The following SLIT1 variants were observed in gnomAD, a reference collection of about 807,000 sequenced individuals.
SLIT1 encodes the protein slit guidance ligand 1.
SLIT1 carries 66 observed loss-of-function variants against 186.1 expected under a neutral mutation model. The ratio of observed to expected loss-of-function variants is 0.35; its 90% CI spans 0.29 to 0.44. The LOEUF (loss-of-function observed/expected upper bound fraction) is 0.44, where lower values mean the gene tolerates loss of function less well. Ranked by LOEUF, SLIT1 falls within the 20% of genes least tolerant of loss-of-function variation. The probability of loss-of-function intolerance (pLI) is 1.00; values close to 1 mark genes in which losing one functional copy is unlikely to be tolerated. For missense variants in SLIT1, 1,638 were observed against 2,037.4 expected (o/e 0.80, Z 3.77); for synonymous variants, 761 against 833.8 (o/e 0.91, Z 1.50).
intron 4 of SLIT1, among the ~76,000 whole-genome samples, chr10:97,128,769 T>G (rs976524496): frequency 6.6e-6 from 1 of 152,150 alleles, no homozygotes; most frequent in South Asian, 2.1e-4. Flanking sequence ...TTTGCTGTGA[T>G]GAATTCCGGC....
chr10:97,004,260 C>A lies in SLIT1; in HGVS notation c.3711-38G>T. 1 of 1,585,370 alleles carries A rather than the reference C, an allele frequency of 6.3e-7. No individual in the cohort carries two copies. Among genetic ancestry groups the A allele is most frequent in the Non-Finnish European group, 8.6e-7 (1 of 1,158,416 alleles). ...GGGGTTCCCCGTTCCAGGGAGTGGG[C>A]ATCAGTCTGGACCATCCCTGCCTGG... On this transcript the variant is annotated intron_variant, in intron 33 of 36. Coordinates refer to ENST00000266058, the MANE Select transcript of SLIT1 (RefSeq NM_003061.3). This position sits in a 1 kb window ranked among gnomAD's most constrained non-coding sequence, Gnocchi z 5.1.
At chr10:97,133,960 T>C (rs775286881) in intron 4 of SLIT1, among the ~76,000 whole-genome samples, 1 of 152,182 alleles carries the variant, frequency 6.6e-6, no homozygotes, top group Non-Finnish European at 1.5e-5. Flanking sequence ...GGATTTGGAT[T>C]GTTTCTTTGC....
At chr10:97,053,707 G>A (rs937237960) in intron 13 of SLIT1, among the ~76,000 whole-genome samples, 1 of 152,224 alleles carries the variant, frequency 6.6e-6, no homozygotes, top group Non-Finnish European at 1.5e-5. Flanking sequence ...AATTAAAGAT[G>A]TAGATGAAGG....
At chr10:97,091,669 G>T (rs12241778) in intron 4 of SLIT1, among the ~76,000 whole-genome samples, 18,260 of 152,180 alleles carry the variant, frequency 0.12, 1,181 homozygotes, top group Non-Finnish European at 0.14. Flanking sequence ...CTTCTAGCTC[G>T]TTTACAGTCA....
In SLIT1 at chr10:97,002,277, C is replaced by G; in HGVS notation, c.4247G>C (p.Gly1416Ala). The change falls in exon 36 of 37, where the codon GGG becomes GCG. Residue 1416 changes from glycine to alanine, a missense_variant. Transcript: ENST00000266058. ...GYSGALCNQA[G>A]ALAEPCRGLQ... ...GCCTCTGCAGGGCTCTGCCAGGGCC[C>G]CGGCCTGGTTGCACAGTGCCCCCGA... 1 of 1,609,106 alleles carries G rather than the reference C, an allele frequency of 6.2e-7. No homozygotes were observed. Among genetic ancestry groups the G allele is most frequent in the Non-Finnish European group, 8.5e-7 (1 of 1,178,502 alleles).
intron 4 of SLIT1, among the ~76,000 whole-genome samples, chr10:97,109,451 G>GGGAGGA (rs1488699748): frequency 6.6e-6 from 1 of 152,152 alleles, no homozygotes; most frequent in African/African-American, 2.4e-5. Context: ...AAGATGCTCA[G>GGGAGGA]GGAGGAGAGG....
At chr10:97,084,488 C>A (rs982904848) in intron 4 of SLIT1, among the ~76,000 whole-genome samples, 2 of 152,250 alleles carry the variant, frequency 1.3e-5, no homozygotes, top group Non-Finnish European at 2.9e-5. Flanking sequence ...TTTTCCATAT[C>A]TGTAAAATGG....
intron 3 of SLIT1, among the ~76,000 whole-genome samples, chr10:97,162,537 C>T (rs879685371): frequency 6.6e-6 from 1 of 152,228 alleles, no homozygotes; most frequent in Admixed American, 6.5e-5. Flanking sequence ...CGCTTGAACC[C>T]GGGAGGTGGA....
chr10:97,134,376 G>T (rs541842749), intron 4 of SLIT1, among the ~76,000 whole-genome samples: 5 of 152,156 alleles, frequency 3.3e-5, no homozygotes, highest in Admixed American at 6.5e-5. Flanking sequence ...ACACCTGAAG[G>T]CCGCGGTTTC....
intron 4 of SLIT1, among the ~76,000 whole-genome samples, chr10:97,108,271 G>A (rs1234847116): frequency 6.6e-6 from 1 of 152,190 alleles, no homozygotes; most frequent in East Asian, 1.9e-4. Flanking sequence ...TTACATGCCA[G>A]CTTTGCCACT....
intron 24 of SLIT1, 68 bp from the exon 25 acceptor site, chr10:97,030,896 G>T: frequency 7.3e-7 from 1 of 1,367,742 alleles, no homozygotes; most frequent in Non-Finnish European, 1.0e-6. Context: ...GGAGGGAGAG[G>T]CCCAGCCCTC....
chr10:97,175,491 A>G (rs1240689416), intron 1 of SLIT1, among the ~76,000 whole-genome samples: 3 of 152,106 alleles, frequency 2.0e-5, no homozygotes, highest in Admixed American at 6.5e-5. Context: ...TAGTAGCTGC[A>G]CCGTTTCACA....
At chr10:97,032,852 A>G (rs1848604297) in intron 23 of SLIT1, among the ~76,000 whole-genome samples, 1 of 152,158 alleles carries the variant, frequency 6.6e-6, no homozygotes, top group South Asian at 2.1e-4. Flanking sequence ...ATGCAACACC[A>G]CACCATGGGT....
At chr10:97,138,802 C>T (rs1484809476) in intron 4 of SLIT1, among the ~76,000 whole-genome samples, 1 of 152,214 alleles carries the variant, frequency 6.6e-6, no homozygotes, top group Non-Finnish European at 1.5e-5. Context: ...TGCATCTGTG[C>T]CTGTGAAATA....
In SLIT1 at chr10:97,060,775, G is replaced by C. The variant is rs374041679; in HGVS notation, c.806C>G (p.Ala269Gly). Residue 269 changes from alanine (A) to glycine (G), a missense_variant, in exon 9 of 37, where the codon GCG becomes GGG. Transcript: ENST00000266058. Reference protein sequence around the residue: ...SEFSCSGQGEAGRVPTCTLSS... With the variant: ...SEFSCSGQGEGGRVPTCTLSS... Reference sequence around the variant, plus strand: ...CAGGGTGCAGGTGGGCACGCGCCCCGCTTCTCCCTGGCCTGCAGAAACAGG... The same window carrying C: ...CAGGGTGCAGGTGGGCACGCGCCCCCCTTCTCCCTGGCCTGCAGAAACAGG... 1 of 1,602,234 alleles carries C rather than the reference G, an allele frequency of 6.2e-7. No homozygotes were observed. The highest frequency in any genetic ancestry group is 1.3e-5 in the African/African-American group (1 of 74,856).
At position 97,000,919 on chromosome 10, in the gene SLIT1, C is replaced by T. The variant is rs1392129389; in HGVS notation, c.*193G>A. On this transcript the variant is annotated 3_prime_UTR_variant, in exon 37 of 37. Transcript: ENST00000266058. ...CAGCCCGCAGCTCAGGCCTCGCCCA[C>T]CCCCGCTGCCCCCAGCTATGGCGCA... 2 of 594,370 alleles carry T rather than the reference C, an allele frequency of 3.4e-6. No individual in the cohort carries two copies. The highest frequency in any genetic ancestry group is 3.0e-6 in the Non-Finnish European group (1 of 334,132). 36.8% of individuals were successfully genotyped at this position (594,370 alleles called of 1,614,324 possible).
intron 4 of SLIT1, among the ~76,000 whole-genome samples, chr10:97,117,911 C>T (rs931209052): frequency 1.3e-5 from 2 of 152,080 alleles, no homozygotes; most frequent in African/African-American, 4.8e-5. Flanking sequence ...TTCAGAAACC[C>T]CAGGGGGATC....
chr10:97,143,487 G>A (rs1849785970), intron 4 of SLIT1, among the ~76,000 whole-genome samples: 1 of 152,194 alleles, frequency 6.6e-6, no homozygotes, highest in African/African-American at 2.4e-5. Context: ...GGGGAGAAGG[G>A]AATAGACTTT....
chr10:97,028,865 T>A lies in SLIT1; in HGVS notation c.2582+1892A>T, dbSNP rs541439220. Among the ~76,000 whole-genome samples the A allele has an allele frequency of 2.0e-5, 3 of 152,298 alleles. No homozygotes were observed. In the South Asian group the frequency reaches 6.2e-4, roughly 32 times the overall value. The stretch of plus-strand genomic sequence containing the variant: ...CAAATCCTAGGGAAGCTGCCTAAAT[T>A]TTTAGAACCTAGGACTGTAAAATGG... On this transcript the variant is annotated intron_variant, in intron 25 of 36. Transcript: ENST00000266058.
Sources: gnomAD v4.1 joint callset for allele counts (sites outside exome capture counted in the v4.1 genomes callset) on GRCh38, gnomAD v4.1.1 for gene constraint, Gnocchi (gnomAD v3.1) non-coding constraint, MANE v1.5 for transcripts, NCBI Gene and HGNC (gene_info 2026-07-23, HGNC 2026-07-21) for gene names.